AXL: variants seen among roughly 807,000 people sequenced by gnomAD.
The protein encoded by AXL is AXL receptor tyrosine kinase.
A neutral mutation model predicts 104.5 loss-of-function variants in AXL; 52 were observed. The observed-to-expected ratio is 0.50, with a 90% CI of 0.40 to 0.63. AXL has a LOEUF of 0.63. Among genes scored for constraint, AXL ranks in the 20% least tolerant of loss-of-function variants. The pLI, the probability that AXL is intolerant of heterozygous loss-of-function variation, is 0.00. For missense variants in AXL, 1,024 were observed against 1,188.5 expected, an observed-to-expected ratio of 0.86 and a Z score of 2.04; for synonymous variants, 455 against 473.7, an observed-to-expected ratio of 0.96 and a Z score of 0.51.
intron 5 of AXL, 31 bp from the exon 6 acceptor site, chr19:41,231,152 C>T (rs754575803): frequency 1.2e-6 from 2 of 1,610,500 alleles, no homozygotes; most frequent in Non-Finnish European, 1.7e-6. Flanking sequence ...GCAAAGGCTC[C>T]CCAGGGTCAA....
At chr19:41,251,769 A>G (rs2034366892) in intron 14 of AXL, among the ~76,000 whole-genome samples, 1 of 151,998 alleles carries the variant, frequency 6.6e-6, no homozygotes, top group African/African-American at 2.4e-5. Flanking sequence ...ACAAAAAACC[A>G]ATAAAATGGG....
At chr19:41,244,507 T>C (rs1050051842) in intron 12 of AXL, among the ~76,000 whole-genome samples, 12 of 150,752 alleles carry the variant, frequency 8.0e-5, no homozygotes, top group African/African-American at 2.4e-4. Context: ...TGAGACAGAG[T>C]CTCGCTCTGT....
chr19:41,256,959 A>T (rs1440510497), intron 18 of AXL, among the ~76,000 whole-genome samples: 1 of 152,236 alleles, frequency 6.6e-6, no homozygotes, highest in Admixed American at 6.5e-5. Flanking sequence ...TGAAGTGTGT[A>T]TATGTGTGTG....
rs1358123432 is a variant in AXL at position 41,258,437 on chromosome 19, A to C, written c.2333+808A>C. Among the ~76,000 whole-genome samples the C allele has an allele frequency of 5.9e-5, 9 of 152,144 alleles. No individual in the cohort carries two copies. The East Asian group carries it at 1.5e-3, about 26-fold the overall frequency. The stretch of plus-strand genomic sequence containing the variant: ...CAGGGAGGGTAATTTATTTTTATTT[A>C]TTGACTTGAGTCTCGCTCTGTCGCC... On this transcript the variant is annotated intron_variant, in intron 19 of 19. Transcript: ENST00000301178.
chr19:41,253,032 G>T, intron 16 of AXL, 65 bp downstream of exon 16: 1 of 1,562,662 alleles, frequency 6.4e-7, no homozygotes, highest in Non-Finnish European at 8.7e-7. Flanking sequence ...ACCCAGTGCT[G>T]CTCAGACCCT....
At position 41,243,668 on chromosome 19, in the gene AXL, G is replaced by A. The variant is rs144824336; in HGVS notation, c.1498G>A (p.Val500Met). 58 of 1,613,996 alleles carry A rather than the reference G, an allele frequency of 3.6e-5. 1 individual carries two copies. Among genetic ancestry groups the A allele is most frequent in the East Asian group, 2.2e-5 (1 of 44,890 alleles). Residue 500 changes from valine to methionine, a missense_variant, in exon 12 of 20, where the codon GTG (valine) becomes ATG (methionine). By Grantham distance (21) the Val-to-Met change is conservative. Transcript: ENST00000301178. ...ERGELVVRYR[V>M]RKSYSRRTTE... ...AGGTGAACTGGTAGTCAGGTACCGCGTGCGCAAGTCCTACAGTCGTCGGAC... is the reference window on the plus strand; with the variant it reads ...AGGTGAACTGGTAGTCAGGTACCGCATGCGCAAGTCCTACAGTCGTCGGAC...
chr19:41,257,245 T>C (rs2034468442), intron 18 of AXL, among the ~76,000 whole-genome samples: 1 of 152,030 alleles, frequency 6.6e-6, no homozygotes, highest in Non-Finnish European at 1.5e-5. Context: ...GGTTTCACTA[T>C]ATTGGCCAGG....
chr19:41,223,046 G>A (rs1432822604), intron 4 of AXL, among the ~76,000 whole-genome samples: 1 of 152,090 alleles, frequency 6.6e-6, no homozygotes, highest in African/African-American at 2.4e-5. Context: ...TGTAATCCCA[G>A]CACTTTGGGA....
In AXL at chr19:41,239,704, G is replaced by A. The variant is rs769354750; in HGVS notation, c.1296G>A (p.Gln432=). The A allele has an allele frequency of 1.2e-6, 2 of 1,614,130 alleles. No homozygotes were observed. The highest frequency in any genetic ancestry group is 2.2e-5 in the South Asian group (2 of 91,084). The change falls in exon 10 of 20, where the codon CAG becomes CAA. Residue 432 remains glutamine (Q), a synonymous_variant. Coordinates refer to ENST00000301178, the MANE Select transcript of AXL (RefSeq NM_021913.5). ...PLEAWRPGQA[Q]PVHQLVKEPS... is the part of the protein sequence containing the mutation. ...CCTTTCTTCTCACAGGGCAAGCACAGCCAGTCCACCAGCTGGGTAAGGGCT... is the reference window on the plus strand; with the variant it reads ...CCTTTCTTCTCACAGGGCAAGCACAACCAGTCCACCAGCTGGGTAAGGGCT...
At chr19:41,220,359 G>A (rs933991001) in intron 1 of AXL, 11 of 411,570 alleles carry the variant, frequency 2.7e-5, no homozygotes, top group Non-Finnish European at 4.5e-5. Flanking sequence ...GAGGGGGCAG[G>A]GGCTGGCCCT....
At chr19:41,258,542 G>C (rs2034488564) in intron 19 of AXL, among the ~76,000 whole-genome samples, 1 of 152,194 alleles carries the variant, frequency 6.6e-6, no homozygotes. Context: ...AGCCTCCCAA[G>C]TAGCTGGGAC....
chr19:41,260,018 C>A lies in AXL; in HGVS notation c.*114C>A. On this transcript the variant is annotated 3_prime_UTR_variant, in exon 20 of 20. Transcript: ENST00000301178. ...GCCTTATCCCCACTTGCAGCCCTGT[C>A]TTCCTACCTATCCCACCTCCATCCC... is the stretch of plus-strand genomic sequence containing the variant. The A allele has an allele frequency of 1.0e-6, 1 of 971,722 alleles. No individual in the cohort carries two copies. Among genetic ancestry groups the A allele is most frequent in the Non-Finnish European group, 1.5e-6 (1 of 672,864 alleles). 60.2% of individuals were successfully genotyped at this position (971,722 alleles called of 1,614,324 possible).
intron 5 of AXL, 21 bp downstream of exon 5, chr19:41,231,068 G>C (rs2033978508): frequency 6.2e-7 from 1 of 1,613,582 alleles, no homozygotes; most frequent in Non-Finnish European, 8.5e-7. Flanking sequence ...TGGGAGGTGG[G>C]GAGCTGGGCG....
intron 16 of AXL, 33 bp downstream of exon 16, chr19:41,253,000 A>G: frequency 6.2e-7 from 1 of 1,610,822 alleles, no homozygotes; most frequent in South Asian, 1.1e-5. Context: ...GTCTACAAAT[A>G]TTAACTGAGC....
At chr19:41,228,405 T>C (rs984042308) in intron 4 of AXL, among the ~76,000 whole-genome samples, 2 of 151,900 alleles carry the variant, frequency 1.3e-5, no homozygotes, top group African/African-American at 4.8e-5. Context: ...ATTACAAAAA[T>C]TAGCCGGGCA....
intron 10 of AXL, among the ~76,000 whole-genome samples, chr19:41,240,107 A>G (rs760160177): frequency 6.6e-6 from 1 of 151,618 alleles, no homozygotes; most frequent in Non-Finnish European, 1.5e-5. Context: ...GGGTGGATAT[A>G]TGGAGAATGG....
intron 17 of AXL, 119 bp downstream of exon 17, chr19:41,253,827 C>A (rs2122281824): frequency 1.3e-6 from 1 of 795,390 alleles, no homozygotes; most frequent in Non-Finnish European, 2.1e-6. Context: ...GGTCAGAACT[C>A]AGGACCAGGA....
intron 13 of AXL, 41 bp downstream of exon 13, chr19:41,248,650 T>C (rs1463586993): frequency 6.2e-7 from 1 of 1,612,634 alleles, no homozygotes; most frequent in Admixed American, 1.7e-5. Flanking sequence ...TCTGAACTTC[T>C]GAGATCCTGC....
intron 14 of AXL, among the ~76,000 whole-genome samples, chr19:41,250,113 C>T (rs1599740406): frequency 6.6e-6 from 1 of 152,336 alleles, no homozygotes; most frequent in Non-Finnish European, 1.5e-5. Context: ...ACCCTAATGT[C>T]CCCACCTTCC....
Sources: allele counts gnomAD v4.1 joint callset (sites outside exome capture counted in the v4.1 genomes callset), GRCh38; gene constraint gnomAD v4.1.1; transcripts MANE v1.5; gene names NCBI Gene and HGNC (gene_info 2026-07-23, HGNC 2026-07-21).